The following CFHR3 variants were observed in gnomAD, a reference collection of about 807,000 sequenced individuals.
CFHR3 encodes complement factor H related 3.
In CFHR3, 22 loss-of-function variants were observed where a neutral mutation model predicts 36.0. The observed-to-expected ratio is 0.61, with a 90% CI of 0.44 to 0.87. The LOEUF is 0.87. CFHR3 is among the 40% of genes least tolerant of loss of function. The pLI is 0.00. For synonymous variants in CFHR3, 97 were observed against 137.4 expected, an observed-to-expected ratio of 0.71 and a Z score of 2.06; for missense variants, 276 against 401.3, an observed-to-expected ratio of 0.69 and a Z score of 2.67.
At position 196,795,312 on chromosome 1, in the gene CFHR3, G is replaced by T. The variant is rs1654559130; in HGVS notation, c.*1799G>T. The T allele has an allele frequency of 7.3e-6, 1 of 136,906 alleles. No homozygotes were observed. Among genetic ancestry groups the T allele is most frequent in the South Asian group, 2.5e-4 (1 of 3,946 alleles). 8.5% of individuals were successfully genotyped at this position (136,906 alleles called of 1,614,324 possible). A position where few individuals can be genotyped will look rare whatever the true frequency, so the allele number is the denominator to read the frequency against. On this transcript the variant is annotated 3_prime_UTR_variant, in exon 6 of 6. Transcript: ENST00000367425. ...TCTCTTGCCTGCCACCATGTAAGAT[G>T]TACCTTTGCTACTCATTCACCTTCT...
intron 1 of CFHR3, among the ~76,000 whole-genome samples, chr1:196,775,421 A>C (rs1653672457): frequency 7.3e-6 from 1 of 137,046 alleles, no homozygotes; most frequent in Non-Finnish European, 1.6e-5. Flanking sequence ...TTTCTATTAT[A>C]GCTTAAGAAA....
chr1:196,788,194 T>C, intron 3 of CFHR3, 22 bp from the exon 4 acceptor site: 1 of 1,449,598 alleles, frequency 6.9e-7, no homozygotes. Flanking sequence ...ATTTACTTTT[T>C]TCTTGACTTT....
intron 4 of CFHR3, chr1:196,789,300 A>T (rs389897): frequency 0.23 from 190,171 of 842,816 alleles, 41,975 homozygotes; most frequent in East Asian, 0.54. Flanking sequence ...TTAAGCTAAG[A>T]GAGAAAAAAG....
intron 1 of CFHR3, among the ~76,000 whole-genome samples, chr1:196,775,276 C>T (rs1653665320): frequency 7.3e-6 from 1 of 136,604 alleles, no homozygotes; most frequent in Non-Finnish European, 1.6e-5. Flanking sequence ...TTAAAATGTT[C>T]AGAATTTTCC....
rs1224904506 is a variant in CFHR3 at position 196,783,198 on chromosome 1, G to A, written c.430+3225G>A. On this transcript the variant is annotated intron_variant, in intron 3 of 5. Coordinates refer to ENST00000367425, the MANE Select transcript of CFHR3 (RefSeq NM_021023.6). Reference sequence around the variant, plus strand: ...AGCTTTTTGATGTGCTGTTGGATTCGGTTTGCCAGTATTTTATTGAGGATT... The same window carrying A: ...AGCTTTTTGATGTGCTGTTGGATTCAGTTTGCCAGTATTTTATTGAGGATT... 2.3e-4 allele frequency among the ~76,000 whole-genome samples: 31 copies of A among 136,272 alleles called. 7 individuals are homozygous for A. The highest frequency in any genetic ancestry group is 7.7e-4 in the African/African-American group (25 of 32,482). The allele number at this position is 136,272 out of a possible 152,430, so 89.4% of individuals were successfully genotyped here.
chr1:196,784,227 G>T lies in CFHR3; in HGVS notation c.431-3989G>T, dbSNP rs1421844070. On this transcript the variant is annotated intron_variant, in intron 3 of 5. Coordinates refer to ENST00000367425, the MANE Select transcript of CFHR3 (RefSeq NM_021023.6). ...TGAGGAGAGCTTTACTTCCAACTAT[G>T]TGGTCAATTTTGGAATTGGTGTGGT... Among the ~76,000 whole-genome samples, 2 of 136,138 alleles carry T rather than the reference G, an allele frequency of 1.5e-5. 1 individual carries two copies. The highest frequency in any genetic ancestry group is 6.2e-5 in the African/African-American group (2 of 32,328). 89.3% of individuals were successfully genotyped at this position (136,138 alleles called of 152,430 possible).
At chr1:196,781,299 T>A (rs1432812595) in intron 3 of CFHR3, among the ~76,000 whole-genome samples, 1 of 135,662 alleles carries the variant, frequency 7.4e-6, no homozygotes, top group Non-Finnish European at 1.6e-5. Flanking sequence ...TGATTTATAG[T>A]CCTTTGGGTA....
chr1:196,789,838 ATG>A, intron 4 of CFHR3: 1 of 1,131,124 alleles, frequency 8.8e-7, no homozygotes, highest in Non-Finnish European at 1.2e-6. Flanking sequence ...ATGTACACAT[ATG>A]TGTGTACATA....
In CFHR3 at chr1:196,779,276, AT is replaced by A. The variant is rs1558196645; in HGVS notation, c.177del (p.Phe59LeufsTer93). 1 of 1,529,602 alleles carries A rather than the reference AT, an allele frequency of 6.5e-7. No homozygotes were observed. The highest frequency in any genetic ancestry group is 2.2e-5 in the East Asian group (1 of 44,608). The allele number at this position is 1,529,602 out of a possible 1,614,324, so 94.8% of individuals were successfully genotyped here. Reference sequence around the variant, plus strand: ...TATTACTCCTATTACTGTGATGAACATTTTGAGACTCCTTCAGGAAGTTACT... The same window carrying A: ...TATTACTCCTATTACTGTGATGAACATTTGAGACTCCTTCAGGAAGTTACT... ...GKYYSYYCDE[H>X]FETPSGSYWD... On this transcript the variant is annotated frameshift_variant, in exon 2 of 6. Transcript: ENST00000367425. LOFTEE classifies it high-confidence loss of function.
chr1:196,775,667 T>C (rs571694242), intron 1 of CFHR3, among the ~76,000 whole-genome samples: 1 of 137,534 alleles, frequency 7.3e-6, no homozygotes, highest in Admixed American at 7.0e-5. Flanking sequence ...CTGTATTAAT[T>C]ATCTTTTTGA....
intron 1 of CFHR3, 124 bp from the exon 2 acceptor site, chr1:196,779,037 AC>A: frequency 1.3e-6 from 1 of 760,212 alleles, no homozygotes; most frequent in Non-Finnish European, 2.1e-6. Context: ...GGATCAGGAA[AC>A]TAGTTATGGT....
chr1:196,782,871 T>G lies in CFHR3; in HGVS notation c.430+2898T>G, dbSNP rs368408552. Among the ~76,000 whole-genome samples, 6 of 137,270 alleles carry G rather than the reference T, an allele frequency of 4.4e-5. No individual in the cohort carries two copies. The East Asian group carries it at 1.2e-3, about 27-fold the overall frequency. The allele number at this position is 137,270 out of a possible 152,430, so 90.1% of individuals were successfully genotyped here. A position where few individuals can be genotyped will look rare whatever the true frequency, so the allele number is the denominator to read the frequency against. Reference sequence around the variant, plus strand: ...TAGGAGTGGTGAGAGAGGGCATCCCTGTCTTGTGCTGATTTTCAAAGGAAT... The same window carrying G: ...TAGGAGTGGTGAGAGAGGGCATCCCGGTCTTGTGCTGATTTTCAAAGGAAT... On this transcript the variant is annotated intron_variant, in intron 3 of 5. Transcript: ENST00000367425.
At position 196,786,012 on chromosome 1, in the gene CFHR3, C is replaced by T. The variant is rs547024011; in HGVS notation, c.431-2204C>T. On this transcript the variant is annotated intron_variant, in intron 3 of 5. Coordinates refer to ENST00000367425, the MANE Select transcript of CFHR3 (RefSeq NM_021023.6). ...ATGTCCTTTCTGTTTGTTAGTTTTC[C>T]TTCTAACAGACAGGACCCTCAGCTG... 2.7e-4 allele frequency among the ~76,000 whole-genome samples: 37 copies of T among 135,738 alleles called. 11 individuals are homozygous for T. In the South Asian group the frequency reaches 9.4e-3, roughly 35 times the overall value. 89.0% of individuals were successfully genotyped at this position (135,738 alleles called of 152,430 possible).
chr1:196,778,563 C>A lies in CFHR3; in HGVS notation c.59-599C>A, dbSNP rs1023706063. On this transcript the variant is annotated intron_variant, in intron 1 of 5. Coordinates refer to ENST00000367425, the MANE Select transcript of CFHR3 (RefSeq NM_021023.6). Reference sequence around the variant, plus strand: ...ATATATTTGAACATTCGTGTATGCACCTATTTTTTTATGTCAATAATATAT... The same window carrying A: ...ATATATTTGAACATTCGTGTATGCAACTATTTTTTTATGTCAATAATATAT... Among the ~76,000 whole-genome samples, 3 of 135,496 alleles carry A rather than the reference C, an allele frequency of 2.2e-5. 1 individual carries two copies. Among genetic ancestry groups the A allele is most frequent in the Non-Finnish European group, 4.7e-5 (3 of 64,322 alleles). The allele number at this position is 135,496 out of a possible 152,430, so 88.9% of individuals were successfully genotyped here.
rs150261070 is a variant in CFHR3, at chr1:196,775,579, A to G, written c.58+635A>G. ...TTCTGAGTTCACTAGCAAATGTTCAATAAGTAAATATACAGAAAATACTTT... is the reference window on the plus strand; with the variant it reads ...TTCTGAGTTCACTAGCAAATGTTCAGTAAGTAAATATACAGAAAATACTTT... On this transcript the variant is annotated intron_variant, in intron 1 of 5. Coordinates refer to ENST00000367425, the MANE Select transcript of CFHR3 (RefSeq NM_021023.6). 5.1e-5 allele frequency among the ~76,000 whole-genome samples: 7 copies of G among 137,454 alleles called. No individual in the cohort carries two copies. In the East Asian group the frequency reaches 1.2e-3, roughly 23 times the overall value. The allele number at this position is 137,454 out of a possible 152,430, so 90.2% of individuals were successfully genotyped here. A position where few individuals can be genotyped will look rare whatever the true frequency, so the allele number is the denominator to read the frequency against.
intron 3 of CFHR3, 41 bp from the exon 4 acceptor site, chr1:196,788,175 T>G (rs1654281668): frequency 7.3e-7 from 1 of 1,377,926 alleles, no homozygotes. Context: ...AAAGAACTAT[T>G]CAACTAATAT....
intron 3 of CFHR3, among the ~76,000 whole-genome samples, chr1:196,785,814 T>C (rs1654174233): frequency 7.3e-6 from 1 of 137,616 alleles, no homozygotes; most frequent in African/African-American, 3.0e-5. Context: ...GTCAAAGTCA[T>C]TCTCCGTCCA....
At chr1:196,792,210 A>G (rs1654450769) in intron 5 of CFHR3, among the ~76,000 whole-genome samples, 1 of 114,284 alleles carries the variant, frequency 8.8e-6, no homozygotes, top group Non-Finnish European at 1.7e-5. Flanking sequence ...GGATTTCAAA[A>G]GTGATATGTA....
chr1:196,781,554 G>A lies in CFHR3; in HGVS notation c.430+1581G>A, dbSNP rs574274051. Reference sequence around the variant, plus strand: ...GATTTGCATTTCTCTGATGGCCAGTGATGGTGAGCATTTTTTCATGTGTTT... The same window carrying A: ...GATTTGCATTTCTCTGATGGCCAGTAATGGTGAGCATTTTTTCATGTGTTT... On this transcript the variant is annotated intron_variant, in intron 3 of 5. Transcript: ENST00000367425. Among the ~76,000 whole-genome samples the A allele has an allele frequency of 2.7e-3, 371 of 136,588 alleles. 96 individuals carry two copies. The highest frequency in any genetic ancestry group is 0.011 in the African/African-American group (356 of 32,440). The allele number at this position is 136,588 out of a possible 152,430, so 89.6% of individuals were successfully genotyped here. A position where few individuals can be genotyped will look rare whatever the true frequency, so the allele number is the denominator to read the frequency against.
Sources: gnomAD v4.1 joint callset for allele counts (sites outside exome capture counted in the v4.1 genomes callset) on GRCh38, gnomAD v4.1.1 for gene constraint, MANE v1.5 for transcripts, NCBI Gene and HGNC (gene_info 2026-07-23, HGNC 2026-07-21) for gene names.